ATP1B4: variants seen among roughly 807,000 people sequenced by gnomAD.
ATP1B4 encodes the protein protein ATP1B4.
In ATP1B4, 32 loss-of-function variants were observed where a neutral mutation model predicts 29.6. That is an observed-to-expected ratio of 1.08 (90% confidence interval 0.82 to 1.45). The LOEUF (loss-of-function observed/expected upper bound fraction) is 1.45, where lower values mean the gene tolerates loss of function less well. Among genes scored for constraint, ATP1B4 ranks in the 40% most tolerant of loss-of-function variants. The probability of loss-of-function intolerance (pLI) is 0.00; values close to 1 mark genes in which losing one functional copy is unlikely to be tolerated. For missense variants in ATP1B4, 323 were observed against 276.2 expected (o/e 1.17, Z -1.20); for synonymous variants, 127 against 102.1 (o/e 1.24, Z -1.47).
chrX:120,362,359 G>T, intron 1 of ATP1B4, 128 bp downstream of exon 1: 1 of 601,348 alleles, frequency 1.7e-6, no homozygotes, highest in South Asian at 2.7e-5. Context: ...GCGAAGTTTA[G>T]GGGAGCCCAG....
chrX:120,376,314 G>A, intron 5 of ATP1B4, 66 bp from the exon 6 acceptor site: 1 of 1,085,721 alleles, frequency 9.2e-7, no homozygotes, highest in Non-Finnish European at 1.3e-6. Context: ...GGTTAGAAAA[G>A]CCCAATTTTT....
In ATP1B4 at chrX:120,370,829, G is replaced by A. The variant is rs771366789; in HGVS notation, c.443G>A (p.Arg148Gln). ...ISPYIPTFTE[R>Q]VKPPGVMIRP... is the part of the protein sequence containing the mutation. Reference sequence around the variant, plus strand: ...CCCTATATACCAACCTTCACGGAGCGGGTAAAGCCTCCTGGTGAGTGTGCC... The same window carrying A: ...CCCTATATACCAACCTTCACGGAGCAGGTAAAGCCTCCTGGTGAGTGTGCC... The change falls in exon 3 of 8, where the codon CGG becomes CAG. Residue 148 changes from arginine (R) to glutamine (Q), a missense_variant. By Grantham distance (43) the Arg-to-Gln change is conservative. Coordinates refer to ENST00000218008, the MANE Select transcript of ATP1B4 (RefSeq NM_001142447.3). 62 of 1,208,597 alleles carry A rather than the reference G, an allele frequency of 5.1e-5. 1 individual carries two copies. Among genetic ancestry groups the A allele is most frequent in the Admixed American group, 3.1e-4 (14 of 45,561 alleles).
At chrX:120,375,996 G>T (rs762936669) in intron 5 of ATP1B4, among the ~76,000 whole-genome samples, 1 of 111,610 alleles carries the variant, frequency 9.0e-6, no homozygotes, top group African/African-American at 3.3e-5. Context: ...TGGAACAGGG[G>T]ATTGAAATGA....
chrX:120,378,749 C>T lies in ATP1B4; in HGVS notation c.888C>T (p.Tyr296=). 6 of 1,210,404 alleles carry T rather than the reference C, an allele frequency of 5.0e-6. No individual in the cohort carries two copies. The highest frequency in any genetic ancestry group is 6.7e-6 in the Non-Finnish European group (6 of 894,450). Residue 296 remains tyrosine (Y), a synonymous_variant, in exon 7 of 8, where the codon TAC becomes TAT. Coordinates refer to ENST00000218008, the MANE Select transcript of ATP1B4 (RefSeq NM_001142447.3). ...PESASFDLRY[Y]PYYGKLTHVN... Reference sequence around the variant, plus strand: ...CGGCTTCTTTTGACCTCCGCTACTACCCTTACTACGGCAAACTGACTCACG... The same window carrying T: ...CGGCTTCTTTTGACCTCCGCTACTATCCTTACTACGGCAAACTGACTCACG...
At chrX:120,372,539 C>A (rs2058318883) in intron 4 of ATP1B4, among the ~76,000 whole-genome samples, 1 of 111,936 alleles carries the variant, frequency 8.9e-6, no homozygotes, top group Non-Finnish European at 1.9e-5. Flanking sequence ...ATCCACATTT[C>A]TTGTTCTTTA....
intron 1 of ATP1B4, among the ~76,000 whole-genome samples, chrX:120,365,995 G>C (rs748016657): frequency 8.9e-6 from 1 of 111,923 alleles, no homozygotes; most frequent in African/African-American, 3.3e-5. Flanking sequence ...TAAGTTTTGA[G>C]GAGGGGTACA....
intron 2 of ATP1B4, among the ~76,000 whole-genome samples, chrX:120,367,245 C>T (rs2058290746): frequency 8.9e-6 from 1 of 111,782 alleles, no homozygotes; most frequent in Admixed American, 9.5e-5. Context: ...GTTTAAAGAA[C>T]TATGCAGAAG....
chrX:120,365,072 C>T (rs909072826), intron 1 of ATP1B4, among the ~76,000 whole-genome samples: 1 of 111,577 alleles, frequency 9.0e-6, no homozygotes, highest in African/African-American at 3.3e-5. Context: ...TACCTCTAGG[C>T]ACTTGTGCTC....
chrX:120,369,606 G>A (rs1445807950), intron 2 of ATP1B4, among the ~76,000 whole-genome samples: 2 of 111,739 alleles, frequency 1.8e-5, no homozygotes, highest in African/African-American at 3.3e-5. Context: ...GCCCCAAGGA[G>A]GGCTTGAAAA....
At chrX:120,376,300 G>A (rs2058354839) in intron 5 of ATP1B4, 80 bp from the exon 6 acceptor site, 8 of 920,012 alleles carry the variant, frequency 8.7e-6, no homozygotes, top group Middle Eastern at 6.2e-4. Context: ...ATGACTGGGA[G>A]GAAGGTTAGA....
At position 120,371,190 on chromosome X, in the gene ATP1B4, G is replaced by A. The variant is rs765104057; in HGVS notation, c.542G>A (p.Ser181Asn). The A allele has an allele frequency of 1.7e-6, 2 of 1,205,471 alleles. No homozygotes were observed. The highest frequency in any genetic ancestry group is 2.2e-6 in the Non-Finnish European group (2 of 891,226). ...EPDTWQHYVI[S>N]LNGFLQGYND... is the part of the protein sequence containing the mutation. ...GACACTTGGCAGCATTATGTGATTA[G>A]CCTAAATGGCTTTCTCCAGGGTAAG... is the stretch of plus-strand genomic sequence containing the variant. Residue 181 changes from serine to asparagine, a missense_variant, in exon 4 of 8, where the codon AGC becomes AAC. Transcript: ENST00000218008.
At chrX:120,364,749 C>G (rs1057186000) in intron 1 of ATP1B4, among the ~76,000 whole-genome samples, 3 of 112,223 alleles carry the variant, frequency 2.7e-5, no homozygotes, top group Non-Finnish European at 5.6e-5. Flanking sequence ...CAATGTCTCA[C>G]TCTGTCACCC....
At chrX:120,375,594 G>A (rs376105273) in intron 5 of ATP1B4, 26 bp downstream of exon 5, 14 of 1,157,848 alleles carry the variant, frequency 1.2e-5, no homozygotes, top group Middle Eastern at 2.4e-4. Context: ...ATATCTGGTG[G>A]TGATAAGCGA....
At chrX:120,366,872 A>T (rs777041597) in intron 2 of ATP1B4, 83 bp downstream of exon 2, 82 of 1,137,161 alleles carry the variant, frequency 7.2e-5, no homozygotes, top group Non-Finnish European at 9.6e-5. Flanking sequence ...CATACGCTGG[A>T]TGGGCTTGTC....
chrX:120,365,018 G>A, intron 1 of ATP1B4, among the ~76,000 whole-genome samples: 1 of 111,999 alleles, frequency 8.9e-6, no homozygotes, highest in Middle Eastern at 4.6e-3. Flanking sequence ...AAATCGTTTA[G>A]GAACACAGAA....
In ATP1B4 at chrX:120,370,836, G is replaced by A. The variant is rs760016365; in HGVS notation, c.450G>A (p.Lys150=). The part of the protein sequence containing the change: ...PYIPTFTERV[K]PPGVMIRPFA... ...TACCAACCTTCACGGAGCGGGTAAA[G>A]CCTCCTGGTGAGTGTGCCCAGATGC... is the stretch of plus-strand genomic sequence containing the variant. The change falls in exon 3 of 8, where the codon AAG becomes AAA. Residue 150 remains lysine, a synonymous_variant. Coordinates refer to ENST00000218008, the MANE Select transcript of ATP1B4 (RefSeq NM_001142447.3). 2 of 1,209,621 alleles carry A rather than the reference G, an allele frequency of 1.7e-6. No individual in the cohort carries two copies. Among genetic ancestry groups the A allele is most frequent in the South Asian group, 3.6e-5 (2 of 56,325 alleles).
intron 1 of ATP1B4, among the ~76,000 whole-genome samples, 160 bp downstream of exon 1, chrX:120,362,391 C>T (rs952158913): frequency 6.3e-5 from 7 of 111,036 alleles, no homozygotes; most frequent in Non-Finnish European, 1.3e-4. Context: ...GGAGCAGTGA[C>T]TCCCAGCACC....
At chrX:120,376,065 T>C (rs924815174) in intron 5 of ATP1B4, among the ~76,000 whole-genome samples, 2 of 111,876 alleles carry the variant, frequency 1.8e-5, no homozygotes, top group African/African-American at 6.5e-5. Context: ...CATCCTGTCA[T>C]GACTTAGGTG....
At chrX:120,375,227 C>T in intron 4 of ATP1B4, 145 bp from the exon 5 acceptor site, 2 of 436,414 alleles carry the variant, frequency 4.6e-6, no homozygotes, top group Non-Finnish European at 7.7e-6. Context: ...GCACCTGATG[C>T]CAGGTCACAG....
Sources: gnomAD v4.1 joint callset for allele counts (sites outside exome capture counted in the v4.1 genomes callset) on GRCh38, gnomAD v4.1.1 for gene constraint, MANE v1.5 for transcripts, NCBI Gene and HGNC (gene_info 2026-07-23, HGNC 2026-07-21) for gene names.